Variants in MIEN1 observed in about 807,000 individuals in gnomAD.
The protein encoded by MIEN1 is migration and invasion enhancer 1.
MIEN1 carries 12 observed loss-of-function variants against 15.5 expected under a neutral mutation model. That is an observed-to-expected ratio of 0.78 (90% CI 0.50 to 1.26). The LOEUF (loss-of-function observed/expected upper bound fraction) is 1.26. Ranked by LOEUF, MIEN1 falls within the 50% of genes most tolerant of loss-of-function variation. The probability of loss-of-function intolerance (pLI) is 0.00; values close to 1 mark genes in which losing one functional copy is unlikely to be tolerated. For missense variants in MIEN1, 160 were observed against 151.7 expected, an observed-to-expected ratio of 1.05 and a Z score of -0.29; for synonymous variants, 63 against 62.8, an observed-to-expected ratio of 1.00 and a Z score of -0.02.
rs369407025 is a variant in MIEN1, at chr17:39,730,517, C to A, written c.-22G>T. ...TCATCGCGGCCGGCTCCGCTCGGGC[C>A]CCTGCTTCCGGGTGTGACGCGAACC... On this transcript the variant is annotated 5_prime_UTR_variant, in exon 1 of 4. Transcript: ENST00000394231. 4.5e-3 allele frequency: 6,868 copies of A among 1,523,632 alleles called. 70 individuals carry two copies. Among genetic ancestry groups the A allele is most frequent in the South Asian group, 0.024 (2,018 of 82,910 alleles). The allele number at this position is 1,523,632 out of a possible 1,614,324, so 94.4% of individuals were successfully genotyped here. A position where few individuals can be genotyped will look rare whatever the true frequency, so the allele number is the denominator to read the frequency against.
At position 39,728,656 on chromosome 17, in the gene MIEN1, A is replaced by G. The variant is rs2059905320; in HGVS notation, c.*866T>C. 1 of 232,362 alleles carries G rather than the reference A, an allele frequency of 4.3e-6. No homozygotes were observed. The highest frequency in any genetic ancestry group is 5.6e-5 in the Admixed American group (1 of 17,736). 14.4% of individuals were successfully genotyped at this position (232,362 alleles called of 1,614,324 possible). The stretch of plus-strand genomic sequence containing the variant: ...TCCATTTGCAAATATATTTTGGAAA[A>G]CAGCTAGGCACCGGCCTATGTCTGG... On this transcript the variant is annotated 3_prime_UTR_variant, in exon 4 of 4. Coordinates refer to ENST00000394231, the MANE Select transcript of MIEN1 (RefSeq NM_032339.5).
rs143093863 is a variant in MIEN1, at chr17:39,728,818, C to G, written c.*704G>C. The G allele has an allele frequency of 8.9e-5, 18 of 203,106 alleles. No homozygotes were observed. In the South Asian group the frequency reaches 1.9e-3, roughly 21 times the overall value. 12.6% of individuals were successfully genotyped at this position (203,106 alleles called of 1,614,324 possible). ...CTCCAGCTTCAGGGTTGGGGGAGAT[C>G]GGGAAGCTGGATTCAGATCTGAGAG... On this transcript the variant is annotated 3_prime_UTR_variant, in exon 4 of 4. Coordinates refer to ENST00000394231, the MANE Select transcript of MIEN1 (RefSeq NM_032339.5).
rs1481499275 is a variant in MIEN1 at position 39,728,625 on chromosome 17, A to G, written c.*897T>C. The G allele has an allele frequency of 2.1e-5, 5 of 233,200 alleles. No individual in the cohort carries two copies. In the Admixed American group the frequency reaches 2.3e-4, roughly 11 times the overall value. The allele number at this position is 233,200 out of a possible 1,614,324, so 14.4% of individuals were successfully genotyped here. A position where few individuals can be genotyped will look rare whatever the true frequency, so the allele number is the denominator to read the frequency against. On this transcript the variant is annotated 3_prime_UTR_variant, in exon 4 of 4. Coordinates refer to ENST00000394231, the MANE Select transcript of MIEN1 (RefSeq NM_032339.5). ...GTGTGGGGGGTCCTTCTCCACACCC[A>G]CTTTGTCCATTTGCAAATATATTTT...
chr17:39,729,562 T>C lies in MIEN1; in HGVS notation c.308A>G (p.Glu103Gly). Residue 103 changes from glutamate to glycine, a missense_variant, in exon 4 of 4, where the codon GAA becomes GGA. Transcript: ENST00000394231. ...IRRASNGETL[E>G]KITNSRPPCV... ...GGGAGGACGGCTGTTGGTGATCTTT[T>C]CTAGGGTTTCTCCATTACTGGCTCT... is the stretch of plus-strand genomic sequence containing the variant. 6.2e-7 allele frequency: 1 copy of C among 1,614,108 alleles called. No individual in the cohort carries two copies. Among genetic ancestry groups the C allele is most frequent in the Non-Finnish European group, 8.5e-7 (1 of 1,180,026 alleles).
chr17:39,729,107 G>GC lies in MIEN1; in HGVS notation c.*414dup, dbSNP rs2059915787. 1 of 205,414 alleles carries GC rather than the reference G, an allele frequency of 4.9e-6. No individual in the cohort carries two copies. Among genetic ancestry groups the GC allele is most frequent in the South Asian group, 8.2e-5 (1 of 12,192 alleles). The allele number at this position is 205,414 out of a possible 1,614,324, so 12.7% of individuals were successfully genotyped here. A position where few individuals can be genotyped will look rare whatever the true frequency, so the allele number is the denominator to read the frequency against. ...AAGGCTGGGCTGACCGGACTTCTGT[G>GC]CCCCCCACATTCCCAGACTGGACGT... On this transcript the variant is annotated 3_prime_UTR_variant, in exon 4 of 4. Coordinates refer to ENST00000394231, the MANE Select transcript of MIEN1 (RefSeq NM_032339.5).
chr17:39,729,366 C>T lies in MIEN1; in HGVS notation c.*156G>A, dbSNP rs1014400980. On this transcript the variant is annotated 3_prime_UTR_variant, in exon 4 of 4. Coordinates refer to ENST00000394231, the MANE Select transcript of MIEN1 (RefSeq NM_032339.5). ...CCTGCCCCCAAGGCCACGGAATCTT[C>T]TATTCCTTCTTTGTACCCAAAGGGC... is the stretch of plus-strand genomic sequence containing the variant. 1 of 882,616 alleles carries T rather than the reference C, an allele frequency of 1.1e-6. No individual in the cohort carries two copies. Among genetic ancestry groups the T allele is most frequent in the Non-Finnish European group, 1.8e-6 (1 of 562,758 alleles). 54.7% of individuals were successfully genotyped at this position (882,616 alleles called of 1,614,324 possible). A position where few individuals can be genotyped will look rare whatever the true frequency, so the allele number is the denominator to read the frequency against.
At position 39,730,225 on chromosome 17, in the gene MIEN1, G is replaced by T; in HGVS notation, c.156C>A (p.Gly52=). ...CCCCGAGGCGCGACTCGATCTCGAT[G>T]CCCGGATACTGCTCCTTCACAGCAC... The part of the protein sequence containing the change: ...LASAVKEQYP[G]IEIESRLGGT... The change falls in exon 2 of 4, where the codon GGC becomes GGA. Residue 52 remains glycine (G), a synonymous_variant. Coordinates refer to ENST00000394231, the MANE Select transcript of MIEN1 (RefSeq NM_032339.5). 6.2e-7 allele frequency: 1 copy of T among 1,608,116 alleles called. No individual in the cohort carries two copies. Among genetic ancestry groups the T allele is most frequent in the African/African-American group, 1.3e-5 (1 of 74,992 alleles).
At position 39,730,437 on chromosome 17, in the gene MIEN1, C is replaced by A. The variant is rs1275575881; in HGVS notation, c.59G>T (p.Gly20Val). The change falls in exon 1 of 4, where the codon GGC becomes GTC. Residue 20 changes from glycine to valine, a missense_variant. Gly to Val is a moderately radical substitution (Grantham distance 109, BLOSUM62 -3). Transcript: ENST00000394231. ...CTCCACCACGATGCGGACCCCACTGCCCGGCTCGACCTCCTCGGGAGGGGG... is the reference window on the plus strand; with the variant it reads ...CTCCACCACGATGCGGACCCCACTGACCGGCTCGACCTCCTCGGGAGGGGG... ...VAPPPEEVEP[G>V]SGVRIVVEYC... The A allele has an allele frequency of 3.2e-6, 5 of 1,551,470 alleles. No individual in the cohort carries two copies. The Admixed American group carries it at 9.7e-5, about 30-fold the overall frequency.
rs1225583976 is a variant in MIEN1 at position 39,728,712 on chromosome 17, C to A, written c.*810G>T. The A allele has an allele frequency of 8.9e-6, 2 of 225,970 alleles. No individual in the cohort carries two copies. The highest frequency in any genetic ancestry group is 1.8e-5 in the Non-Finnish European group (2 of 113,592). The allele number at this position is 225,970 out of a possible 1,614,324, so 14.0% of individuals were successfully genotyped here. A position where few individuals can be genotyped will look rare whatever the true frequency, so the allele number is the denominator to read the frequency against. On this transcript the variant is annotated 3_prime_UTR_variant, in exon 4 of 4. Coordinates refer to ENST00000394231, the MANE Select transcript of MIEN1 (RefSeq NM_032339.5). ...GCTCTGTGCCATCCCTTCCTGCTCA[C>A]CTTACACTCAATTCCTCTTTTCCTG...
chr17:39,729,643 G>A (rs776477567), intron 3 of MIEN1, 38 bp from the exon 4 acceptor site: 20 of 1,613,990 alleles, frequency 1.2e-5, no homozygotes, highest in Non-Finnish European at 1.5e-5. Flanking sequence ...CACTGTTGGG[G>A]TAGGGTGACC....
Position 39,730,487 on chromosome 17 carries a change from C to CCCGCTCATCGCGGCCGGCT in MIEN1, c.-11_8dup (p.Glu4AlafsTer34). On this transcript the variant is annotated frameshift_variant, in exon 1 of 4. Transcript: ENST00000394231. LOFTEE classifies it high-confidence loss of function. Reference sequence around the variant, plus strand: ...GCGCTACGGACGTCTGCCCCGGCTCCCCGCTCATCGCGGCCGGCTCCGCTC... The same window carrying CCCGCTCATCGCGGCCGGCT: ...GCGCTACGGACGTCTGCCCCGGCTCCCCGCTCATCGCGGCCGGCTCCGCTCATCGCGGCCGGCTCCGCTC... 6.5e-7 allele frequency: 1 copy of CCCGCTCATCGCGGCCGGCT among 1,534,968 alleles called. No individual in the cohort carries two copies. The highest frequency in any genetic ancestry group is 8.7e-7 in the Non-Finnish European group (1 of 1,144,204).
At position 39,730,462 on chromosome 17, in the gene MIEN1, G is replaced by C. The variant is rs1413746896; in HGVS notation, c.34C>G (p.Pro12Ala). The C allele has an allele frequency of 1.9e-6, 3 of 1,545,648 alleles. No homozygotes were observed. The highest frequency in any genetic ancestry group is 2.6e-6 in the Non-Finnish European group (3 of 1,147,392). ...CCCGGCTCGACCTCCTCGGGAGGGG[G>C]CGCTACGGACGTCTGCCCCGGCTCC... ...SGEPGQTSVA[P>A]PPEEVEPGSG... Residue 12 changes from proline (P) to alanine (A), a missense_variant, in exon 1 of 4, where the codon CCC becomes GCC. Pro to Ala is a conservative substitution (Grantham distance 27). Coordinates refer to ENST00000394231, the MANE Select transcript of MIEN1 (RefSeq NM_032339.5).
chr17:39,728,528 CTTTT>C lies in MIEN1; in HGVS notation c.*990_*993del, dbSNP rs1483253620. 4.2e-6 allele frequency: 1 copy of C among 236,260 alleles called. No individual in the cohort carries two copies. The highest frequency in any genetic ancestry group is 6.0e-5 in the East Asian group (1 of 16,754). 14.6% of individuals were successfully genotyped at this position (236,260 alleles called of 1,614,324 possible). A position where few individuals can be genotyped will look rare whatever the true frequency, so the allele number is the denominator to read the frequency against. On this transcript the variant is annotated 3_prime_UTR_variant, in exon 4 of 4. Coordinates refer to ENST00000394231, the MANE Select transcript of MIEN1 (RefSeq NM_032339.5). ...AGAGTGCTTTTCTGTTTAGTTTTTA[CTTTT>C]TTTGTTTTGTTTTTTTAAAGATGAA...
intron 2 of MIEN1, 192 bp from the exon 3 acceptor site, chr17:39,729,953 C>T (rs1323041873): frequency 1.4e-6 from 1 of 739,372 alleles, no homozygotes; most frequent in Admixed American, 2.7e-5. Flanking sequence ...GTGCCCCTCG[C>T]AACACTCAAT....
intron 1 of MIEN1, 49 bp from the exon 2 acceptor site, chr17:39,730,340 TC>T: frequency 6.4e-7 from 1 of 1,563,290 alleles, no homozygotes. Context: ...GGGTGGGGCC[TC>T]CCGTGGACCC....
At position 39,729,361 on chromosome 17, in the gene MIEN1, A is replaced by C; in HGVS notation, c.*161T>G. 1.2e-6 allele frequency: 1 copy of C among 839,864 alleles called. No homozygotes were observed. Among genetic ancestry groups the C allele is most frequent in the Non-Finnish European group, 1.9e-6 (1 of 525,932 alleles). 52.0% of individuals were successfully genotyped at this position (839,864 alleles called of 1,614,324 possible). A position where few individuals can be genotyped will look rare whatever the true frequency, so the allele number is the denominator to read the frequency against. ...TCTCTCCTGCCCCCAAGGCCACGGA[A>C]TCTTCTATTCCTTCTTTGTACCCAA... On this transcript the variant is annotated 3_prime_UTR_variant, in exon 4 of 4. Transcript: ENST00000394231.
rs2059918415 is a variant in MIEN1, at chr17:39,729,269, G to A, written c.*253C>T. 1.8e-6 allele frequency: 1 copy of A among 555,614 alleles called. No individual in the cohort carries two copies. Among genetic ancestry groups the A allele is most frequent in the Admixed American group, 3.2e-5 (1 of 31,368 alleles). The allele number at this position is 555,614 out of a possible 1,614,324, so 34.4% of individuals were successfully genotyped here. A position where few individuals can be genotyped will look rare whatever the true frequency, so the allele number is the denominator to read the frequency against. On this transcript the variant is annotated 3_prime_UTR_variant, in exon 4 of 4. Coordinates refer to ENST00000394231, the MANE Select transcript of MIEN1 (RefSeq NM_032339.5). The stretch of plus-strand genomic sequence containing the variant: ...ATTACCGAGGCGAAGAGTGGACTGG[G>A]CTTTCGTGGGCACTTACCCTGGGAA...
chr17:39,728,803 A>C lies in MIEN1; in HGVS notation c.*719T>G, dbSNP rs1314836614. On this transcript the variant is annotated 3_prime_UTR_variant, in exon 4 of 4. Coordinates refer to ENST00000394231, the MANE Select transcript of MIEN1 (RefSeq NM_032339.5). ...GCCAGACATCCAGTTCTCCAGCTTC[A>C]GGGTTGGGGGAGATCGGGAAGCTGG... 4.8e-6 allele frequency: 1 copy of C among 206,850 alleles called. No homozygotes were observed. Among genetic ancestry groups the C allele is most frequent in the African/African-American group, 2.3e-5 (1 of 43,762 alleles). The allele number at this position is 206,850 out of a possible 1,614,324, so 12.8% of individuals were successfully genotyped here.
chr17:39,728,906 T>G lies in MIEN1; in HGVS notation c.*616A>C. On this transcript the variant is annotated 3_prime_UTR_variant, in exon 4 of 4. Coordinates refer to ENST00000394231, the MANE Select transcript of MIEN1 (RefSeq NM_032339.5). The stretch of plus-strand genomic sequence containing the variant: ...TAATTCCTAAGGCCACTCACCAGAA[T>G]GGGGTTATTTCCTCCTTGTGAGTGA... The G allele has an allele frequency of 5.6e-6, 1 of 179,234 alleles. No individual in the cohort carries two copies. The allele number at this position is 179,234 out of a possible 1,614,324, so 11.1% of individuals were successfully genotyped here.
Sources: allele counts gnomAD v4.1 joint callset, GRCh38; gene constraint gnomAD v4.1.1; transcripts MANE v1.5; gene names NCBI Gene and HGNC (gene_info 2026-07-23, HGNC 2026-07-21).